The following EIPR1 variants were observed in gnomAD, a reference collection of about 807,000 sequenced individuals.
EIPR1 encodes EARP complex and GARP complex interacting protein 1.
A neutral mutation model predicts 48.1 loss-of-function variants in EIPR1; 25 were observed. That is an observed-to-expected ratio of 0.52 (90% CI 0.38 to 0.73). The LOEUF (loss-of-function observed/expected upper bound fraction) is 0.73, where lower values mean the gene tolerates loss of function less well. Ranked by LOEUF, EIPR1 falls within the 30% of genes least tolerant of loss-of-function variation. The probability of loss-of-function intolerance (pLI) is 0.00; values close to 1 mark genes in which losing one functional copy is unlikely to be tolerated. For missense variants in EIPR1, 415 were observed against 506.2 expected, an observed-to-expected ratio of 0.82 and a Z score of 1.73; for synonymous variants, 204 against 201.9, an observed-to-expected ratio of 1.01 and a Z score of -0.09.
chr2:3,342,581 T>G (rs1670284933), intron 2 of EIPR1, among the ~76,000 whole-genome samples: 1 of 152,218 alleles, frequency 6.6e-6, no homozygotes, highest in South Asian at 2.1e-4. Context: ...GTCTCCTGCC[T>G]CCACCTGGGC....
At chr2:3,306,617 A>G (rs1333014914) in intron 3 of EIPR1, among the ~76,000 whole-genome samples, 1 of 152,248 alleles carries the variant, frequency 6.6e-6, no homozygotes, top group Admixed American at 6.5e-5. Context: ...TATTGTTATA[A>G]TTAAGTAGCT....
At chr2:3,334,901 C>G (rs887375633) in intron 3 of EIPR1, among the ~76,000 whole-genome samples, 1 of 152,244 alleles carries the variant, frequency 6.6e-6, no homozygotes, top group Admixed American at 6.5e-5. Context: ...CTGGAAATCA[C>G]GAGATCCAGG....
rs138708417 is a variant in EIPR1, at chr2:3,309,248, T to C, written c.259+28769A>G. Among the ~76,000 whole-genome samples the C allele has an allele frequency of 9.5e-3, 1,447 of 152,320 alleles. 16 individuals carry two copies. Among genetic ancestry groups the C allele is most frequent in the Non-Finnish European group, 0.012 (834 of 68,026 alleles). ...CCTCGATGGAAGTGGGGCTCCTCTA[T>C]TCCTCTCGAGGTAGGAAAATGCCAA... On this transcript the variant is annotated intron_variant, in intron 3 of 8. Coordinates refer to ENST00000382125, the MANE Select transcript of EIPR1 (RefSeq NM_003310.5).
chr2:3,351,021 CAG>C (rs369658025), intron 2 of EIPR1, among the ~76,000 whole-genome samples: 6 of 94,864 alleles, frequency 6.3e-5, no homozygotes, highest in South Asian at 3.2e-4. Flanking sequence ...TTTTTTTAGA[CAG>C]AGTCTCGCTC....
At chr2:3,289,567 G>A (rs1434054077) in intron 3 of EIPR1, among the ~76,000 whole-genome samples, 3 of 152,002 alleles carry the variant, frequency 2.0e-5, no homozygotes, top group African/African-American at 4.8e-5. Context: ...GCTTGTAAAC[G>A]AGGCATGCCC....
At chr2:3,280,849 T>A (rs1340548233) in intron 3 of EIPR1, among the ~76,000 whole-genome samples, 1 of 152,104 alleles carries the variant, frequency 6.6e-6, no homozygotes, top group Non-Finnish European at 1.5e-5. Flanking sequence ...CATGCCCAGG[T>A]TAGAGGTCTG....
In EIPR1 at chr2:3,323,602, G is replaced by A. The variant is rs1298459526; in HGVS notation, c.259+14415C>T. Among the ~76,000 whole-genome samples, 6 of 152,182 alleles carry A rather than the reference G, an allele frequency of 3.9e-5. 1 individual carries two copies. Among genetic ancestry groups the A allele is most frequent in the South Asian group, 2.1e-4 (1 of 4,830 alleles). ...TGTCAGCCTCCATGAACCAAGCCACGTGAGCAGCCTCCTCCTGAGGAGTGC... is the reference window on the plus strand; with the variant it reads ...TGTCAGCCTCCATGAACCAAGCCACATGAGCAGCCTCCTCCTGAGGAGTGC... On this transcript the variant is annotated intron_variant, in intron 3 of 8. Coordinates refer to ENST00000382125, the MANE Select transcript of EIPR1 (RefSeq NM_003310.5).
chr2:3,376,461 G>A (rs1334521365), intron 1 of EIPR1, among the ~76,000 whole-genome samples: 1 of 152,184 alleles, frequency 6.6e-6, no homozygotes, highest in Non-Finnish European at 1.5e-5. Flanking sequence ...GGGAGGCTGA[G>A]GCAGGCAGAT....
chr2:3,294,415 C>A (rs1475852675), intron 3 of EIPR1, among the ~76,000 whole-genome samples: 9 of 115,144 alleles, frequency 7.8e-5, no homozygotes, highest in Admixed American at 6.3e-4. Flanking sequence ...CCATCCTCTC[C>A]ACACACACAC....
intron 4 of EIPR1, among the ~76,000 whole-genome samples, chr2:3,248,569 G>A (rs897282738): frequency 6.6e-6 from 1 of 151,640 alleles, no homozygotes; most frequent in Non-Finnish European, 1.5e-5. Context: ...ACTCCAGCCT[G>A]GGCAACAGAC....
At chr2:3,201,664 CAG>C (rs1402731455) in intron 5 of EIPR1, among the ~76,000 whole-genome samples, 1 of 152,182 alleles carries the variant, frequency 6.6e-6, no homozygotes, top group Non-Finnish European at 1.5e-5. Context: ...AGGAAGAAAA[CAG>C]AGCTGGAAAA....
intron 3 of EIPR1, among the ~76,000 whole-genome samples, chr2:3,281,614 C>T (rs111434702): frequency 1.0e-3 from 155 of 152,230 alleles, no homozygotes; most frequent in African/African-American, 3.3e-3. Flanking sequence ...TACAGGAACG[C>T]GTGCCTGGAA....
intron 1 of EIPR1, among the ~76,000 whole-genome samples, chr2:3,358,917 G>C (rs1393708011): frequency 6.6e-6 from 1 of 152,188 alleles, no homozygotes; most frequent in Non-Finnish European, 1.5e-5. Flanking sequence ...ACCCAGGAGA[G>C]GACCCACCTC....
At position 3,348,134 on chromosome 2, in the gene EIPR1, C is replaced by G. The variant is rs187477750; in HGVS notation, c.126+6416G>C. Among the ~76,000 whole-genome samples the G allele has an allele frequency of 8.8e-4, 134 of 152,270 alleles. 1 individual carries two copies. Among genetic ancestry groups the G allele is most frequent in the African/African-American group, 3.1e-3 (127 of 41,538 alleles). ...CTGCAGGAACAAAGCTATCACGAAT[C>G]AAAACAGATGCAGAACCAGATGCAG... is the stretch of plus-strand genomic sequence containing the variant. On this transcript the variant is annotated intron_variant, in intron 2 of 8. Transcript: ENST00000382125.
chr2:3,257,732 G>A (rs1456341221), intron 3 of EIPR1, among the ~76,000 whole-genome samples: 2 of 152,084 alleles, frequency 1.3e-5, no homozygotes, highest in East Asian at 1.9e-4. Context: ...CCTCAAAATC[G>A]ATTTCCTTCC....
chr2:3,373,132 T>C (rs140515492), intron 1 of EIPR1, among the ~76,000 whole-genome samples: 150,611 of 151,634 alleles, frequency 0.99, 74,802 homozygotes, highest in East Asian at 1. Context: ...ACAAAAACCA[T>C]ATGATTATCT....
At chr2:3,194,411 T>C in intron 6 of EIPR1, 2 of 339,076 alleles carry the variant, frequency 5.9e-6, no homozygotes, top group South Asian at 7.5e-5. Context: ...GGGCGAGCCG[T>C]GGAAGGAATT....
At chr2:3,363,809 A>AAG (rs1330052346) in intron 1 of EIPR1, among the ~76,000 whole-genome samples, 66 of 151,788 alleles carry the variant, frequency 4.3e-4, no homozygotes, top group Non-Finnish European at 4.0e-4. Context: ...ACAGCAAAAA[A>AAG]AAAAAAAAAC....
intron 3 of EIPR1, among the ~76,000 whole-genome samples, chr2:3,318,445 C>T (rs1029139500): frequency 2.0e-5 from 3 of 152,150 alleles, no homozygotes; most frequent in Non-Finnish European, 2.9e-5. Context: ...ACATTAATTC[C>T]ACTGCCAGAT....
Sources: allele counts gnomAD v4.1 joint callset (sites outside exome capture counted in the v4.1 genomes callset), GRCh38; gene constraint gnomAD v4.1.1; transcripts MANE v1.5; gene names NCBI Gene and HGNC (gene_info 2026-07-23, HGNC 2026-07-21).